The following KIF5C variants were observed in gnomAD, a reference collection of about 807,000 sequenced individuals.
KIF5C encodes kinesin family member 5C.
In KIF5C, 18 loss-of-function variants were observed where a neutral mutation model predicts 125.2. The ratio of observed to expected loss-of-function variants is 0.14; its 90% CI spans 0.10 to 0.21. KIF5C has a LOEUF of 0.21. Ranked by LOEUF, KIF5C falls within the 10% of genes least tolerant of loss-of-function variation. The probability of loss-of-function intolerance (pLI) is 1.00; values close to 1 mark genes in which losing one functional copy is unlikely to be tolerated. For synonymous variants in KIF5C, 405 were observed against 434.0 expected (o/e 0.93, Z 0.83); for missense variants, 780 against 1,183.8 (o/e 0.66, Z 5.01).
At chr2:149,012,671 G>GC (rs1169810084) in intron 25 of KIF5C, among the ~76,000 whole-genome samples, 1 of 152,254 alleles carries the variant, frequency 6.6e-6, no homozygotes, top group East Asian at 1.9e-4. Flanking sequence ...TACCTGTGCT[G>GC]CCCCAGGCAG....
chr2:148,936,122 CTACAAAAAA>C (rs1318371692), intron 3 of KIF5C, among the ~76,000 whole-genome samples: 17 of 152,078 alleles, frequency 1.1e-4, no homozygotes, highest in Non-Finnish European at 2.2e-4. Context: ...AACCTCATCT[CTACAAAAAA>C]TACAAAAAAT....
intron 1 of KIF5C, among the ~76,000 whole-genome samples, chr2:148,900,886 G>A (rs1017476108): frequency 6.6e-6 from 1 of 152,204 alleles, no homozygotes; most frequent in Non-Finnish European, 1.5e-5. Flanking sequence ...GGGTGGGGCA[G>A]GGACTTGTGT....
chr2:148,952,713 A>T (rs929331758), intron 10 of KIF5C, among the ~76,000 whole-genome samples: 17 of 152,164 alleles, frequency 1.1e-4, no homozygotes, highest in African/African-American at 3.9e-4. Flanking sequence ...ACAGAGAGAT[A>T]TATAATAATG....
intron 7 of KIF5C, 137 bp downstream of exon 7, chr2:148,942,897 CG>C: frequency 2.8e-6 from 4 of 1,452,804 alleles, no homozygotes; most frequent in Non-Finnish European, 2.8e-6. Flanking sequence ...CGGACACAGA[CG>C]CCAGGGTATG....
chr2:148,962,394 G>T (rs1682950065), intron 11 of KIF5C, among the ~76,000 whole-genome samples: 2 of 150,852 alleles, frequency 1.3e-5, no homozygotes, highest in African/African-American at 4.9e-5. Flanking sequence ...GGCCAGGCTG[G>T]TCTTGAACTC....
intron 15 of KIF5C, among the ~76,000 whole-genome samples, chr2:148,987,729 T>C (rs1681419614): frequency 6.6e-6 from 1 of 152,224 alleles, no homozygotes. Context: ...CTTACCTTGC[T>C]ACCTTCAAAG....
chr2:148,880,678 T>C (rs1681322978), intron 1 of KIF5C, among the ~76,000 whole-genome samples: 1 of 152,322 alleles, frequency 6.6e-6, no homozygotes, highest in South Asian at 2.1e-4. Context: ...CTAAGTGCAT[T>C]CTAGTCTAGT....
rs1681908040 is a variant in KIF5C at position 148,924,343 on chromosome 2, G to A, written c.217+2116G>A. On this transcript the variant is annotated intron_variant, in intron 2 of 25. Coordinates refer to ENST00000435030, the MANE Select transcript of KIF5C (RefSeq NM_004522.3). The surrounding 1 kb of genome is among the most constrained non-coding windows in gnomAD (Gnocchi z 4.0). ...ATTTCCGAAGAGCACCATAGTCCCCGTGATTCCTGATAATGGGTGGACCAA... is the reference window on the plus strand; with the variant it reads ...ATTTCCGAAGAGCACCATAGTCCCCATGATTCCTGATAATGGGTGGACCAA... 6.6e-6 allele frequency among the ~76,000 whole-genome samples: 1 copy of A among 152,238 alleles called. No individual in the cohort carries two copies. The highest frequency in any genetic ancestry group is 1.5e-5 in the Non-Finnish European group (1 of 68,006).
chr2:149,018,205 T>A (rs904275511), intron 25 of KIF5C, among the ~76,000 whole-genome samples: 7 of 152,138 alleles, frequency 4.6e-5, no homozygotes, highest in African/African-American at 1.7e-4. Context: ...GGGAGGATCA[T>A]TTCAGCTGGA....
chr2:149,001,435 C>T (rs1444876572), intron 21 of KIF5C, among the ~76,000 whole-genome samples: 1 of 152,136 alleles, frequency 6.6e-6, no homozygotes, highest in Admixed American at 6.5e-5. Flanking sequence ...GTTTGTGTGG[C>T]TGCAGCTGAG....
At chr2:148,934,084 C>T (rs1376561299) in intron 3 of KIF5C, among the ~76,000 whole-genome samples, 1 of 143,078 alleles carries the variant, frequency 7.0e-6, no homozygotes, top group African/African-American at 2.9e-5. Context: ...CACACACAGA[C>T]ATATATATCA....
At chr2:148,916,178 AGGCCCCT>A (rs1339849565) in intron 1 of KIF5C, among the ~76,000 whole-genome samples, 1 of 152,222 alleles carries the variant, frequency 6.6e-6, no homozygotes, top group Non-Finnish European at 1.5e-5. Flanking sequence ...GAGGATAGTC[AGGCCCCT>A]GACAGCATCT....
At chr2:148,913,675 C>A (rs1042382788) in intron 1 of KIF5C, among the ~76,000 whole-genome samples, 1 of 152,154 alleles carries the variant, frequency 6.6e-6, no homozygotes, top group Non-Finnish European at 1.5e-5. Context: ...TGAGACTCAG[C>A]GTAACTGGGA....
chr2:148,957,620 A>G (rs1445214213), intron 10 of KIF5C, among the ~76,000 whole-genome samples: 4 of 150,764 alleles, frequency 2.7e-5, no homozygotes, highest in South Asian at 2.1e-4. Flanking sequence ...AAAAAAAACA[A>G]TAAACCTCAG....
intron 10 of KIF5C, among the ~76,000 whole-genome samples, chr2:148,957,288 G>C (rs921646476): frequency 5.3e-5 from 8 of 152,136 alleles, no homozygotes; most frequent in African/African-American, 1.9e-4. Context: ...TAACCGCATT[G>C]ATGGCAACTA....
Position 148,994,931 on chromosome 2 carries a change from G to A in KIF5C, c.2023+393G>A, listed in dbSNP as rs188375955. ...TTGGCCAGGCTGGTCTTGAACTCCT[G>A]ACCTCGTGATCTGTCTACCTCAGCC... On this transcript the variant is annotated intron_variant, in intron 17 of 25. Transcript: ENST00000435030. Among the ~76,000 whole-genome samples, 47 of 152,164 alleles carry A rather than the reference G, an allele frequency of 3.1e-4. No homozygotes were observed. In the East Asian group the frequency reaches 7.9e-3, roughly 26 times the overall value.
intron 25 of KIF5C, among the ~76,000 whole-genome samples, chr2:149,012,043 C>T (rs1237999778): frequency 6.6e-6 from 1 of 152,178 alleles, no homozygotes; most frequent in African/African-American, 2.4e-5. Flanking sequence ...CCACAGCAGA[C>T]AGAAGTTGGG....
At chr2:148,904,583 G>A (rs1021462995) in intron 1 of KIF5C, among the ~76,000 whole-genome samples, 28 of 152,192 alleles carry the variant, frequency 1.8e-4, no homozygotes, top group African/African-American at 6.5e-4. Flanking sequence ...AGAGCCATCT[G>A]GGGTAGATCT....
intron 15 of KIF5C, among the ~76,000 whole-genome samples, chr2:148,986,099 A>T (rs960705960): frequency 6.6e-6 from 1 of 152,246 alleles, no homozygotes; most frequent in Non-Finnish European, 1.5e-5. Context: ...TGGGAAGTTG[A>T]TGCTTGCTGC....
Sources: gnomAD v4.1 joint callset for allele counts (sites outside exome capture counted in the v4.1 genomes callset) on GRCh38, gnomAD v4.1.1 for gene constraint, Gnocchi (gnomAD v3.1) non-coding constraint, MANE v1.5 for transcripts, NCBI Gene and HGNC (gene_info 2026-07-23, HGNC 2026-07-21) for gene names.